The following MCHR2 variants were observed in gnomAD, a reference collection of about 807,000 sequenced individuals.
The protein encoded by MCHR2 is melanin-concentrating hormone receptor 2.
A neutral mutation model predicts 24.8 loss-of-function variants in MCHR2; 15 were observed. That is an observed-to-expected ratio of 0.60 (90% CI 0.40 to 0.93). MCHR2 has a LOEUF of 0.93. Ranked by LOEUF, MCHR2 falls within the 40% of genes least tolerant of loss-of-function variation. The pLI is 0.00. For synonymous variants in MCHR2, 151 were observed against 147.6 expected, an observed-to-expected ratio of 1.02 and a Z score of -0.17; for missense variants, 386 against 408.7, an observed-to-expected ratio of 0.94 and a Z score of 0.48.
chr6:99,931,279 G>T (rs936125746), intron 5 of MCHR2, among the ~76,000 whole-genome samples: 1 of 152,180 alleles, frequency 6.6e-6, no homozygotes. Flanking sequence ...GCTGCTCGGG[G>T]GTCAGGGGTC....
At chr6:99,941,150 G>T (rs761525527) in intron 4 of MCHR2, among the ~76,000 whole-genome samples, 2 of 151,400 alleles carry the variant, frequency 1.3e-5, no homozygotes, top group African/African-American at 4.9e-5. Flanking sequence ...GAGTTGGGGG[G>T]AAGTTTTTCA....
chr6:99,963,213 C>T (rs1775231798), intron 1 of MCHR2, among the ~76,000 whole-genome samples: 1 of 152,054 alleles, frequency 6.6e-6, no homozygotes. Context: ...AGTGTAGCCA[C>T]TATGGAAAAC....
Position 99,973,628 on chromosome 6 carries a change from A to T in MCHR2, c.-27-17454T>A, listed in dbSNP as rs372414751. The stretch of plus-strand genomic sequence containing the variant: ...ATTATGTTAGCTGGTTATTTTGCTC[A>T]TTAGTTGATGCAGTTTCTTCCTAGC... On this transcript the variant is annotated intron_variant, in intron 1 of 5. Coordinates refer to ENST00000281806, the MANE Select transcript of MCHR2 (RefSeq NM_001040179.2). 5.4e-4 allele frequency among the ~76,000 whole-genome samples: 82 copies of T among 152,256 alleles called. 1 individual carries two copies. The highest frequency in any genetic ancestry group is 1.9e-3 in the African/African-American group (80 of 41,544).
chr6:99,947,677 A>G, intron 3 of MCHR2, 85 bp downstream of exon 3: 1 of 1,403,274 alleles, frequency 7.1e-7, no homozygotes, highest in Non-Finnish European at 9.8e-7. Flanking sequence ...GTTATAAACC[A>G]AAACTGGTGT....
intron 1 of MCHR2, among the ~76,000 whole-genome samples, chr6:99,970,310 G>C (rs1775380287): frequency 1.3e-5 from 2 of 152,218 alleles, no homozygotes; most frequent in Admixed American, 1.3e-4. Context: ...CTGATGGCCA[G>C]TGATGGTGAG....
In MCHR2 at chr6:99,970,531, C is replaced by A. The variant is rs369693922; in HGVS notation, c.-27-14357G>T. 1.8e-3 allele frequency among the ~76,000 whole-genome samples: 268 copies of A among 152,046 alleles called. 1 individual carries two copies. The highest frequency in any genetic ancestry group is 5.6e-3 in the African/African-American group (232 of 41,480). On this transcript the variant is annotated intron_variant, in intron 1 of 5. Coordinates refer to ENST00000281806, the MANE Select transcript of MCHR2 (RefSeq NM_001040179.2). ...TAGGTTGCCTGTTCACTCTGATGGT[C>A]GTTTCTTTTGCTGTGCAGAAGCTCT...
chr6:99,980,669 A>T (rs1775651671), intron 1 of MCHR2, among the ~76,000 whole-genome samples: 1 of 152,164 alleles, frequency 6.6e-6, no homozygotes, highest in African/African-American at 2.4e-5. Flanking sequence ...CAACGACTAG[A>T]TACTACCATT....
intron 2 of MCHR2, among the ~76,000 whole-genome samples, chr6:99,950,974 A>T (rs34289444): frequency 0.19 from 28,533 of 152,138 alleles, 2,891 homozygotes; most frequent in African/African-American, 0.24. Context: ...CAGAAGCACC[A>T]GTGGGAACTG....
At chr6:99,972,936 A>T (rs891790811) in intron 1 of MCHR2, among the ~76,000 whole-genome samples, 2 of 152,080 alleles carry the variant, frequency 1.3e-5, no homozygotes, top group African/African-American at 4.8e-5. Flanking sequence ...ACAGTTTGTT[A>T]TAATTTCTGT....
At chr6:99,972,353 G>C (rs947435066) in intron 1 of MCHR2, among the ~76,000 whole-genome samples, 9 of 152,264 alleles carry the variant, frequency 5.9e-5, no homozygotes, top group African/African-American at 1.7e-4. Context: ...TTGCATAGAG[G>C]TGTTGGTAGT....
intron 1 of MCHR2, among the ~76,000 whole-genome samples, chr6:99,990,454 C>A (rs1011995754): frequency 2.6e-5 from 4 of 152,114 alleles, no homozygotes; most frequent in Non-Finnish European, 5.9e-5. Context: ...CAATGATGAT[C>A]AGATAATCAT....
intron 1 of MCHR2, among the ~76,000 whole-genome samples, chr6:99,982,798 A>G (rs1166192073): frequency 6.6e-6 from 1 of 152,156 alleles, no homozygotes; most frequent in Admixed American, 6.5e-5. Flanking sequence ...TGTTAGGAAA[A>G]GAAGTTACTA....
Position 99,920,983 on chromosome 6 carries a change from T to G in MCHR2, c.980A>C (p.Lys327Thr). The G allele has an allele frequency of 6.2e-7, 1 of 1,614,240 alleles. No homozygotes were observed. Among genetic ancestry groups the G allele is most frequent in the African/African-American group, 1.3e-5 (1 of 75,066 alleles). ...LPQIQRRATE[K>T]EINNMGNTLK... ...AGTGTTTCCCATATTGTTGATTTCC[T>G]TCTCAGTCGCTCTTCTTTGGATTTG... is the stretch of plus-strand genomic sequence containing the variant. Residue 327 changes from lysine (K) to threonine (T), a missense_variant, in exon 6 of 6, where the codon AAG becomes ACG. Physicochemically the swap from Lys to Thr is moderately conservative, Grantham distance 78. Transcript: ENST00000281806.
At chr6:99,951,580 A>G (rs879624436) in intron 2 of MCHR2, among the ~76,000 whole-genome samples, 1 of 152,110 alleles carries the variant, frequency 6.6e-6, no homozygotes, top group Non-Finnish European at 1.5e-5. Context: ...GGCCAACTGG[A>G]CCACAGCTCA....
chr6:99,971,615 G>A (rs1030508265), intron 1 of MCHR2, among the ~76,000 whole-genome samples: 3 of 152,136 alleles, frequency 2.0e-5, no homozygotes, highest in Non-Finnish European at 4.4e-5. Context: ...GGAGTGGTGA[G>A]AGAGGGCATC....
At chr6:99,983,290 C>G (rs1226710067) in intron 1 of MCHR2, among the ~76,000 whole-genome samples, 2 of 152,120 alleles carry the variant, frequency 1.3e-5, no homozygotes, top group Admixed American at 1.3e-4. Context: ...GGGTTAGTAA[C>G]AACTCATGGA....
chr6:99,958,645 A>G (rs1775116793), intron 1 of MCHR2, among the ~76,000 whole-genome samples: 1 of 152,158 alleles, frequency 6.6e-6, no homozygotes, highest in South Asian at 2.1e-4. Flanking sequence ...ACATGGAACA[A>G]TTCCCTTTGT....
At chr6:99,993,463 GA>G (rs1192501790) in intron 1 of MCHR2, among the ~76,000 whole-genome samples, 1 of 152,154 alleles carries the variant, frequency 6.6e-6, no homozygotes, top group Admixed American at 6.5e-5. Flanking sequence ...CTACCTGGAG[GA>G]AGAACTGAAT....
intron 1 of MCHR2, among the ~76,000 whole-genome samples, chr6:99,986,428 T>C (rs1329969196): frequency 6.6e-6 from 1 of 152,130 alleles, no homozygotes; most frequent in African/African-American, 2.4e-5. Context: ...TAAGTGTCCA[T>C]CAACTGATGA....
Sources: allele counts gnomAD v4.1 joint callset (sites outside exome capture counted in the v4.1 genomes callset), GRCh38; gene constraint gnomAD v4.1.1; transcripts MANE v1.5; gene names NCBI Gene and HGNC (gene_info 2026-07-23, HGNC 2026-07-21).